The following RGS20 variants were observed in gnomAD, a reference collection of about 807,000 sequenced individuals.
The protein encoded by RGS20 is regulator of G protein signaling 20, also known as gz-selective GTPase-activating protein.
Under a neutral mutation model 33.6 loss-of-function variants are expected in RGS20, and 30 were observed. The observed-to-expected ratio is 0.89, with a 90% CI of 0.67 to 1.21. The LOEUF is 1.21. Among genes scored for constraint, RGS20 ranks in the 50% most tolerant of loss-of-function variants. The pLI is 0.00. For synonymous variants in RGS20, 208 were observed against 197.9 expected (o/e 1.05, Z -0.43); for missense variants, 472 against 502.4 (o/e 0.94, Z 0.58).
intron 4 of RGS20, among the ~76,000 whole-genome samples, chr8:53,950,125 C>T (rs2079809314): frequency 6.6e-6 from 1 of 152,112 alleles, no homozygotes; most frequent in South Asian, 2.1e-4. Context: ...CAAGCGTGAG[C>T]CACTACGCCC....
At chr8:53,861,309 G>T (rs1811804837) in intron 1 of RGS20, among the ~76,000 whole-genome samples, 1 of 152,204 alleles carries the variant, frequency 6.6e-6, no homozygotes, top group African/African-American at 2.4e-5. Context: ...GACACAAGCT[G>T]TGAAGTTCTT....
At chr8:53,938,455 C>T (rs1460663299) in intron 2 of RGS20, among the ~76,000 whole-genome samples, 1 of 152,094 alleles carries the variant, frequency 6.6e-6, no homozygotes, top group Non-Finnish European at 1.5e-5. Context: ...ATGGGTGCAG[C>T]AAACCACTAT....
chr8:53,926,593 A>T (rs2129287826), intron 2 of RGS20, among the ~76,000 whole-genome samples: 2 of 152,290 alleles, frequency 1.3e-5, no homozygotes, highest in Middle Eastern at 6.8e-3. Context: ...TCTGGCTACC[A>T]AGTGTGTTTA....
At chr8:53,944,158 A>G (rs1001598114) in intron 3 of RGS20, among the ~76,000 whole-genome samples, 2 of 152,250 alleles carry the variant, frequency 1.3e-5, no homozygotes, top group African/African-American at 4.8e-5. Flanking sequence ...GTCAGTGATA[A>G]AATCCATTTT....
chr8:53,861,690 C>T (rs1585861711), intron 1 of RGS20, among the ~76,000 whole-genome samples: 2 of 152,346 alleles, frequency 1.3e-5, no homozygotes, highest in East Asian at 3.9e-4. Context: ...TTACCATCAA[C>T]ATCGTATCAG....
chr8:53,866,254 G>A (rs1393367416), intron 1 of RGS20, among the ~76,000 whole-genome samples: 2 of 152,134 alleles, frequency 1.3e-5, no homozygotes, highest in Admixed American at 6.5e-5. Flanking sequence ...CAGAAAGATG[G>A]GTAGACAGAG....
At chr8:53,912,073 G>A (rs1270610479) in intron 2 of RGS20, among the ~76,000 whole-genome samples, 1 of 152,110 alleles carries the variant, frequency 6.6e-6, no homozygotes, top group Non-Finnish European at 1.5e-5. Context: ...ATTCATAATA[G>A]GAACATAAAT....
At chr8:53,872,893 A>G (rs940903437) in intron 1 of RGS20, among the ~76,000 whole-genome samples, 1 of 152,138 alleles carries the variant, frequency 6.6e-6, no homozygotes, top group East Asian at 1.9e-4. Context: ...TTTTAGGCAT[A>G]CAATTCAATG....
At chr8:53,859,728 G>A (rs1811766434) in intron 1 of RGS20, among the ~76,000 whole-genome samples, 1 of 152,192 alleles carries the variant, frequency 6.6e-6, no homozygotes, top group African/African-American at 2.4e-5. Flanking sequence ...AGTTCCACAT[G>A]GCTGAGGAGC....
chr8:53,949,617 G>A (rs1814653381), intron 4 of RGS20, among the ~76,000 whole-genome samples: 1 of 151,398 alleles, frequency 6.6e-6, no homozygotes, highest in Admixed American at 6.6e-5. Flanking sequence ...TTGGAAGGTT[G>A]AGGCAGGGAG....
At chr8:53,944,698 A>C (rs1187736402) in intron 3 of RGS20, among the ~76,000 whole-genome samples, 1 of 152,190 alleles carries the variant, frequency 6.6e-6, no homozygotes, top group African/African-American at 2.4e-5. Flanking sequence ...AATAAGAAGG[A>C]TATAAAATTA....
chr8:53,879,148 T>C, intron 1 of RGS20: 1 of 846,606 alleles, frequency 1.2e-6, no homozygotes, highest in Non-Finnish European at 1.9e-6. Context: ...ACCGACCTTC[T>C]CTTGCACCCC....
At chr8:53,954,002 G>A (rs1246232724) in intron 4 of RGS20, 74 bp from the exon 4 acceptor site, 11 of 1,004,134 alleles carry the variant, frequency 1.1e-5, no homozygotes, top group Non-Finnish European at 1.8e-5. Context: ...GAAAAGATAT[G>A]TTCCTAATGA....
chr8:53,894,840 G>A (rs1812810804), intron 2 of RGS20, among the ~76,000 whole-genome samples: 1 of 152,110 alleles, frequency 6.6e-6, no homozygotes, highest in African/African-American at 2.4e-5. Flanking sequence ...TAAACATAGG[G>A]GAAAATTGTG....
At chr8:53,863,726 T>C (rs558081861) in intron 1 of RGS20, among the ~76,000 whole-genome samples, 4 of 148,864 alleles carry the variant, frequency 2.7e-5, no homozygotes, top group South Asian at 4.2e-4. Flanking sequence ...CTTTGTTTTA[T>C]CTTTTTTTTT....
intron 1 of RGS20, among the ~76,000 whole-genome samples, chr8:53,869,888 G>C (rs544015801): frequency 2.3e-3 from 345 of 152,248 alleles, no homozygotes; most frequent in Non-Finnish European, 3.7e-3. Context: ...GGGGTTCATA[G>C]TGGGACTGAG....
chr8:53,924,641 CA>C (rs756298694), intron 2 of RGS20, among the ~76,000 whole-genome samples: 1 of 152,128 alleles, frequency 6.6e-6, no homozygotes, highest in Admixed American at 6.6e-5. Flanking sequence ...CATTTTAAAG[CA>C]ATTGTTTCAT....
At chr8:53,957,714 G>A (rs1237171086) in intron 5 of RGS20, among the ~76,000 whole-genome samples, 4 of 152,238 alleles carry the variant, frequency 2.6e-5, no homozygotes, top group Non-Finnish European at 5.9e-5. Context: ...TGAGTCTGGG[G>A]TGGGGCCCAG....
At chr8:53,921,334 C>T (rs956404451) in intron 2 of RGS20, among the ~76,000 whole-genome samples, 1 of 152,078 alleles carries the variant, frequency 6.6e-6, no homozygotes. Context: ...TATTCACTCC[C>T]CTTCCATTTT....
Sources: allele counts gnomAD v4.1 joint callset (sites outside exome capture counted in the v4.1 genomes callset), GRCh38; gene constraint gnomAD v4.1.1; transcripts MANE v1.5; gene names NCBI Gene and HGNC (gene_info 2026-07-23, HGNC 2026-07-21).